Variants in EXOC1 observed in about 807,000 individuals in gnomAD.
EXOC1 encodes exocyst complex component 1, also known as SEC3-like 1.
Under a neutral mutation model 107.7 loss-of-function variants are expected in EXOC1, and 67 were observed. The ratio of observed to expected loss-of-function variants is 0.62; its 90% CI spans 0.51 to 0.76. The LOEUF is 0.76. Ranked by LOEUF, EXOC1 falls within the 30% of genes least tolerant of loss-of-function variation. The pLI is 0.00. For synonymous variants in EXOC1, 348 were observed against 353.5 expected, an observed-to-expected ratio of 0.98 and a Z score of 0.17; for missense variants, 833 against 1,055.7, an observed-to-expected ratio of 0.79 and a Z score of 2.92.
chr4:55,894,587 A>G (rs1355627944), intron 15 of EXOC1, among the ~76,000 whole-genome samples: 1 of 144,008 alleles, frequency 6.9e-6, no homozygotes, highest in East Asian at 2.0e-4. Context: ...ATAGAAAAAA[A>G]TTTGACAACT....
intron 8 of EXOC1, chr4:55,876,708 T>C: frequency 4.1e-6 from 4 of 985,442 alleles, no homozygotes; most frequent in Non-Finnish European, 4.8e-6. Flanking sequence ...CCATCTCTAG[T>C]TCAGTTTCCC....
At chr4:55,857,422 C>G (rs1286540372) in intron 1 of EXOC1, among the ~76,000 whole-genome samples, 1 of 152,034 alleles carries the variant, frequency 6.6e-6, no homozygotes. Context: ...CCCGCCTCGG[C>G]CTCCCAAAGA....
At chr4:55,890,185 G>A (rs1724354008) in intron 11 of EXOC1, 38 bp from the exon 12 acceptor site, 1 of 1,596,340 alleles carries the variant, frequency 6.3e-7, no homozygotes, top group Non-Finnish European at 8.6e-7. Context: ...TCATTTATTT[G>A]TGAAGATCAC....
chr4:55,860,320 T>G (rs1721354960), intron 2 of EXOC1, 91 bp from the exon 3 acceptor site: 4 of 1,505,316 alleles, frequency 2.7e-6, no homozygotes, highest in Non-Finnish European at 3.6e-6. Flanking sequence ...TATCAGCTAC[T>G]AGGCACCTGA....
rs1726056906 is a variant in EXOC1 at position 55,902,368 on chromosome 4, C to T, written c.2362C>T (p.Arg788Cys). Reference protein sequence around the residue: ...LNHFFEGVEARVAQGIREEEV... With the variant: ...LNHFFEGVEACVAQGIREEEV... ...GCATTTCTTTGAAGGTGTTGAAGCTCGCGTGGCACAGGGCATAAGGGAGGA... is the reference window on the plus strand; with the variant it reads ...GCATTTCTTTGAAGGTGTTGAAGCTTGCGTGGCACAGGGCATAAGGGAGGA... The change falls in exon 18 of 19, where the codon CGC (arginine) becomes TGC (cysteine). Residue 788 changes from arginine to cysteine, a missense_variant. Coordinates refer to ENST00000381295, the MANE Select transcript of EXOC1 (RefSeq NM_001024924.2). 1 of 1,491,428 alleles carries T rather than the reference C, an allele frequency of 6.7e-7. No homozygotes were observed. Among genetic ancestry groups the T allele is most frequent in the Non-Finnish European group, 8.9e-7 (1 of 1,124,258 alleles). The allele number at this position is 1,491,428 out of a possible 1,614,324, so 92.4% of individuals were successfully genotyped here. A position where few individuals can be genotyped will look rare whatever the true frequency, so the allele number is the denominator to read the frequency against.
rs148511386 is a variant in EXOC1, at chr4:55,860,476, T to A, written c.190T>A (p.Tyr64Asn). 1.9e-5 allele frequency: 31 copies of A among 1,613,990 alleles called. No homozygotes were observed. The highest frequency in any genetic ancestry group is 2.5e-5 in the Non-Finnish European group (30 of 1,179,966). ...CAAGAAATCCGATAAGGGAGATTTC[T>A]ACAAAAGGCAGATTGCATGGGCCCT... ...KVKKSDKGDF[Y>N]KRQIAWALRD... Residue 64 changes from tyrosine to asparagine, a missense_variant, in exon 3 of 19, where the codon TAC (tyrosine) becomes AAC (asparagine). By Grantham distance (143) the Tyr-to-Asn change is moderately radical. Around this residue, in one of 2 missense-constraint regions of EXOC1, gnomAD observed 617 missense variants for 701.3 expected, o/e 0.88. Coordinates refer to ENST00000381295, the MANE Select transcript of EXOC1 (RefSeq NM_001024924.2).
chr4:55,872,875 A>C (rs1722572345), intron 8 of EXOC1: 21 of 564,070 alleles, frequency 3.7e-5, no homozygotes, highest in Non-Finnish European at 4.7e-5. Context: ...AGTTTGCTAA[A>C]CTTAACAGCA....
At chr4:55,860,725 TTGAC>T (rs143737165) in intron 3 of EXOC1, among the ~76,000 whole-genome samples, 184 bp downstream of exon 3, 9,658 of 152,268 alleles carry the variant, frequency 0.063, 373 homozygotes, top group Non-Finnish European at 0.077. Flanking sequence ...AAAAATTACT[TTGAC>T]TGTATACATT....
chr4:55,900,916 A>G (rs1160145277), intron 17 of EXOC1, among the ~76,000 whole-genome samples: 2 of 152,160 alleles, frequency 1.3e-5, no homozygotes, highest in African/African-American at 4.8e-5. Context: ...TCTGCTGTCA[A>G]CAATTCAAAG....
At chr4:55,903,324 T>C (rs1336868586) in intron 18 of EXOC1, among the ~76,000 whole-genome samples, 1 of 152,058 alleles carries the variant, frequency 6.6e-6, no homozygotes, top group Non-Finnish European at 1.5e-5. Flanking sequence ...GGCCCAGATA[T>C]GAGTGAGAGT....
At chr4:55,864,168 C>A in intron 3 of EXOC1, 59 bp from the exon 4 acceptor site, 1 of 1,162,662 alleles carries the variant, frequency 8.6e-7, no homozygotes, top group Non-Finnish European at 1.2e-6. Flanking sequence ...GCAGATTTTA[C>A]ATTAACAATG....
At chr4:55,863,118 T>G (rs951718727) in intron 3 of EXOC1, among the ~76,000 whole-genome samples, 2 of 152,086 alleles carry the variant, frequency 1.3e-5, no homozygotes, top group African/African-American at 4.8e-5. Context: ...CAGGCCAGTC[T>G]CAAATTCCTG....
rs558138534 is a variant in EXOC1 at position 55,877,313 on chromosome 4, T to C, written c.1075-604T>C. 2.5e-4 allele frequency: 242 copies of C among 985,422 alleles called. 2 individuals are homozygous for C. The African/African-American group carries it at 3.4e-3, about 14-fold the overall frequency. 61.0% of individuals were successfully genotyped at this position (985,422 alleles called of 1,614,324 possible). A position where few individuals can be genotyped will look rare whatever the true frequency, so the allele number is the denominator to read the frequency against. ...CTTCTGGCTATCTAGGCAAATTAGA[T>C]TGAGTGAAAATTACATCAAATAAAT... On this transcript the variant is annotated intron_variant, in intron 8 of 18. Transcript: ENST00000381295.
At chr4:55,879,833 G>GT (rs2110352475) in intron 9 of EXOC1, among the ~76,000 whole-genome samples, 1 of 152,100 alleles carries the variant, frequency 6.6e-6, no homozygotes, top group East Asian at 1.9e-4. Flanking sequence ...TCTTTTATCT[G>GT]TAAGTTTTTG....
At chr4:55,878,536 T>TA (rs1723103878) in intron 9 of EXOC1, among the ~76,000 whole-genome samples, 1 of 152,112 alleles carries the variant, frequency 6.6e-6, no homozygotes, top group Non-Finnish European at 1.5e-5. Flanking sequence ...GAATCATACA[T>TA]AAAACAATCA....
At chr4:55,900,988 C>T (rs1291264665) in intron 17 of EXOC1, among the ~76,000 whole-genome samples, 1 of 152,176 alleles carries the variant, frequency 6.6e-6, no homozygotes, top group Non-Finnish European at 1.5e-5. Flanking sequence ...TAAGAACAGA[C>T]AAATATTCCT....
intron 4 of EXOC1, among the ~76,000 whole-genome samples, chr4:55,865,270 T>C (rs1222625714): frequency 6.6e-6 from 1 of 152,198 alleles, no homozygotes; most frequent in Middle Eastern, 3.2e-3. Flanking sequence ...CATTAATTAG[T>C]GAAAATATGA....
In EXOC1 at chr4:55,905,068, C is replaced by G. The variant is rs1726451935; in HGVS notation, c.*573C>G. 1 of 152,090 alleles carries G rather than the reference C, an allele frequency of 6.6e-6. No individual in the cohort carries two copies. Among genetic ancestry groups the G allele is most frequent in the South Asian group, 2.1e-4 (1 of 4,826 alleles). 9.4% of individuals were successfully genotyped at this position (152,090 alleles called of 1,614,324 possible). On this transcript the variant is annotated 3_prime_UTR_variant, in exon 19 of 19. Transcript: ENST00000381295. Reference sequence around the variant, plus strand: ...TCATATGCTGTCTTCTGTATTAAAGCAAGTTCTTACAAAATCCATATACAA... The same window carrying G: ...TCATATGCTGTCTTCTGTATTAAAGGAAGTTCTTACAAAATCCATATACAA...
rs376669086 is a variant in EXOC1, at chr4:55,871,888, G to A, written c.1004G>A (p.Arg335Gln). The change falls in exon 8 of 19, where the codon CGA (arginine) becomes CAA (glutamine). Residue 335 changes from arginine (R) to glutamine (Q), a missense_variant. Transcript: ENST00000381295. ...LLLAVKQQQQ[R>Q]FSDLRELFAR... is the part of the protein sequence containing the mutation. The stretch of plus-strand genomic sequence containing the variant: ...CTGGCAGTCAAACAGCAACAGCAGC[G>A]ATTCAGTGATTTGCGAGAGCTTTTT... 3.5e-5 allele frequency: 56 copies of A among 1,613,786 alleles called. No homozygotes were observed. The East Asian group carries it at 8.2e-4, about 24-fold the overall frequency.
Sources: gnomAD v4.1 joint callset for allele counts (sites outside exome capture counted in the v4.1 genomes callset) on GRCh38, gnomAD v4.1.1 for gene constraint, gnomAD v4.1.1 regional missense constraint, MANE v1.5 for transcripts, NCBI Gene and HGNC (gene_info 2026-07-23, HGNC 2026-07-21) for gene names.